The following MSI2 variants were observed in gnomAD, a reference collection of about 807,000 sequenced individuals.
MSI2 encodes RNA-binding protein Musashi homolog 2.
In MSI2, 17 loss-of-function variants were observed where a neutral mutation model predicts 45.6. That is an observed-to-expected ratio of 0.37 (90% CI 0.26 to 0.56). The LOEUF is 0.56. MSI2 is among the 20% of genes least tolerant of loss of function. The probability of loss-of-function intolerance (pLI) is 0.77; values close to 1 mark genes in which losing one functional copy is unlikely to be tolerated. For missense variants in MSI2, 293 were observed against 444.2 expected, an observed-to-expected ratio of 0.66 and a Z score of 3.06; for synonymous variants, 156 against 158.2, an observed-to-expected ratio of 0.99 and a Z score of 0.11.
chr17:57,543,058 A>G (rs2087085974), intron 7 of MSI2, among the ~76,000 whole-genome samples: 1 of 151,662 alleles, frequency 6.6e-6, no homozygotes, highest in South Asian at 2.1e-4. Flanking sequence ...AATTTGCCTG[A>G]AAACTGAGAA....
chr17:57,428,963 G>T (rs978001692), intron 6 of MSI2, among the ~76,000 whole-genome samples: 5 of 152,174 alleles, frequency 3.3e-5, no homozygotes, highest in South Asian at 2.1e-4. Flanking sequence ...GCCAGGTACA[G>T]GGCTAGGCAT....
chr17:57,300,522 A>G (rs965207240), intron 5 of MSI2, among the ~76,000 whole-genome samples: 7 of 152,196 alleles, frequency 4.6e-5, no homozygotes, highest in Non-Finnish European at 7.3e-5. Context: ...TATTAAACAT[A>G]CCATTTTGTA....
chr17:57,391,920 G>T (rs2083799911), intron 5 of MSI2, among the ~76,000 whole-genome samples: 1 of 152,208 alleles, frequency 6.6e-6, no homozygotes. Context: ...CAGTGTATTG[G>T]TAATCATTCA....
At chr17:57,374,835 G>A (rs893574139) in intron 5 of MSI2, among the ~76,000 whole-genome samples, 3 of 152,152 alleles carry the variant, frequency 2.0e-5, no homozygotes, top group African/African-American at 7.2e-5. Flanking sequence ...AGACCACTTA[G>A]CATTTATTCC....
intron 7 of MSI2, among the ~76,000 whole-genome samples, chr17:57,567,828 G>A (rs1445581952): frequency 6.6e-6 from 1 of 152,214 alleles, no homozygotes; most frequent in Non-Finnish European, 1.5e-5. Flanking sequence ...TCTGTCTACA[G>A]TTACAACAGA....
At position 57,256,694 on chromosome 17, in the gene MSI2, C is replaced by A. The variant is rs1906750007; in HGVS notation, c.-49C>A. 4.4e-6 allele frequency: 4 copies of A among 903,188 alleles called. No homozygotes were observed. The highest frequency in any genetic ancestry group is 1.5e-6 in the Non-Finnish European group (1 of 680,718). 55.9% of individuals were successfully genotyped at this position (903,188 alleles called of 1,614,324 possible). A position where few individuals can be genotyped will look rare whatever the true frequency, so the allele number is the denominator to read the frequency against. ...GAGCCGGCCGCCGCTCCGCTCCGATCGCTGTGGGGCTTGGTTTTTTGGGGG... is the reference window on the plus strand; with the variant it reads ...GAGCCGGCCGCCGCTCCGCTCCGATAGCTGTGGGGCTTGGTTTTTTGGGGG... On this transcript the variant is annotated 5_prime_UTR_variant, in exon 1 of 14. Coordinates refer to ENST00000284073, the MANE Select transcript of MSI2 (RefSeq NM_138962.4).
chr17:57,627,010 C>T lies in MSI2; in HGVS notation c.653-219C>T. The T allele has an allele frequency of 1.7e-6, 1 of 598,316 alleles. No individual in the cohort carries two copies. The highest frequency in any genetic ancestry group is 3.0e-6 in the Non-Finnish European group (1 of 335,538). The allele number at this position is 598,316 out of a possible 1,614,324, so 37.1% of individuals were successfully genotyped here. A position where few individuals can be genotyped will look rare whatever the true frequency, so the allele number is the denominator to read the frequency against. ...AGTACATGGGCTTTGCGGGGTCTGG[C>T]TGCCCAAATATGGGTTAATTAGCAA... On this transcript the variant is annotated intron_variant, in intron 9 of 13. Coordinates refer to ENST00000284073, the MANE Select transcript of MSI2 (RefSeq NM_138962.4). The surrounding 1 kb of genome is among the most constrained non-coding windows in gnomAD (Gnocchi z 4.6).
intron 6 of MSI2, among the ~76,000 whole-genome samples, chr17:57,402,773 G>T (rs2084016783): frequency 6.6e-6 from 1 of 152,200 alleles, no homozygotes; most frequent in Admixed American, 6.5e-5. Flanking sequence ...ATTCTGAGTG[G>T]CTCTGAGCTG....
At chr17:57,581,421 C>G (rs928429440) in intron 7 of MSI2, among the ~76,000 whole-genome samples, 1 of 152,144 alleles carries the variant, frequency 6.6e-6, no homozygotes, top group Non-Finnish European at 1.5e-5. Context: ...TCTACGATGT[C>G]CTCGGATCCA....
intron 6 of MSI2, among the ~76,000 whole-genome samples, chr17:57,527,845 C>T (rs144272197): frequency 5.3e-5 from 8 of 152,290 alleles, no homozygotes; most frequent in African/African-American, 1.4e-4. Flanking sequence ...TAGAAAAATA[C>T]GTTTGATTTG....
At chr17:57,523,166 G>A (rs1385303822) in intron 6 of MSI2, among the ~76,000 whole-genome samples, 1 of 151,714 alleles carries the variant, frequency 6.6e-6, no homozygotes, top group Non-Finnish European at 1.5e-5. Flanking sequence ...TCCTGCCTCA[G>A]CCTCCCGCGC....
rs1000827740 is a variant in MSI2, at chr17:57,388,958, C to CTCT, written c.313-12398_313-12396dup. Among the ~76,000 whole-genome samples the CTCT allele has an allele frequency of 1.1e-3, 149 of 141,026 alleles. 3 individuals are homozygous for CTCT. Among genetic ancestry groups the CTCT allele is most frequent in the East Asian group, 0.01 (47 of 4,662 alleles). The allele number at this position is 141,026 out of a possible 152,430, so 92.5% of individuals were successfully genotyped here. On this transcript the variant is annotated intron_variant, in intron 5 of 13. Transcript: ENST00000284073. ...CGTGAGCTACAGCACCTAGCCCCTGCTCTTCTTCTTCTTCTTCTTCTTCTT... is the reference window on the plus strand; with the variant it reads ...CGTGAGCTACAGCACCTAGCCCCTGCTCTTCTTCTTCTTCTTCTTCTTCTTCTT...
chr17:57,414,017 A>G (rs2084246418), intron 6 of MSI2, among the ~76,000 whole-genome samples: 1 of 151,966 alleles, frequency 6.6e-6, no homozygotes, highest in Non-Finnish European at 1.5e-5. Context: ...ATCCTTGCTT[A>G]CTTGGAGCTT....
At chr17:57,589,716 C>T (rs1273503831) in intron 7 of MSI2, among the ~76,000 whole-genome samples, 2 of 152,190 alleles carry the variant, frequency 1.3e-5, no homozygotes, top group Non-Finnish European at 2.9e-5. Flanking sequence ...CCAAAGAAGA[C>T]CCTGACAGTC....
intron 6 of MSI2, among the ~76,000 whole-genome samples, chr17:57,465,586 C>T (rs1337868606): frequency 6.6e-6 from 1 of 152,150 alleles, no homozygotes; most frequent in South Asian, 2.1e-4. Flanking sequence ...GTATGCCAGG[C>T]ATTATGCTAA....
At chr17:57,370,282 G>A (rs1431150983) in intron 5 of MSI2, among the ~76,000 whole-genome samples, 1 of 152,170 alleles carries the variant, frequency 6.6e-6, no homozygotes, top group Non-Finnish European at 1.5e-5. Flanking sequence ...TAAACATTTA[G>A]GCAGAACCTC....
At chr17:57,497,613 C>CT (rs1567859590) in intron 6 of MSI2, among the ~76,000 whole-genome samples, 1 of 152,154 alleles carries the variant, frequency 6.6e-6, no homozygotes, top group African/African-American at 2.4e-5. Flanking sequence ...TAGTCCTGTA[C>CT]TTTTTTTAAA....
At chr17:57,349,204 G>T (rs1567773135) in intron 5 of MSI2, among the ~76,000 whole-genome samples, 1 of 152,120 alleles carries the variant, frequency 6.6e-6, no homozygotes, top group African/African-American at 2.4e-5. Flanking sequence ...CTGTTACTGG[G>T]ATTCTCCTCA....
chr17:57,481,501 C>G (rs951396425), intron 6 of MSI2, among the ~76,000 whole-genome samples: 4 of 152,184 alleles, frequency 2.6e-5, no homozygotes, highest in Admixed American at 2.6e-4. Context: ...CTTTTTTTCC[C>G]CCTTCTCCTT....
Sources: allele counts gnomAD v4.1 joint callset (sites outside exome capture counted in the v4.1 genomes callset), GRCh38; gene constraint gnomAD v4.1.1; non-coding constraint Gnocchi (gnomAD v3.1); transcripts MANE v1.5; gene names NCBI Gene and HGNC (gene_info 2026-07-23, HGNC 2026-07-21).